The following OSBPL2 variants were observed in gnomAD, a reference collection of about 807,000 sequenced individuals.
OSBPL2 encodes oxysterol binding protein like 2, also known as oxysterol-binding protein-related protein 2.
OSBPL2 carries 18 observed loss-of-function variants against 58.4 expected under a neutral mutation model. The ratio of observed to expected loss-of-function variants is 0.31; its 90% CI spans 0.21 to 0.46. OSBPL2 has a LOEUF of 0.46. OSBPL2 is among the 20% of genes least tolerant of loss of function. OSBPL2 has a pLI of 1.00. For missense variants in OSBPL2, 461 were observed against 616.5 expected, an observed-to-expected ratio of 0.75 and a Z score of 2.67; for synonymous variants, 221 against 234.1, an observed-to-expected ratio of 0.94 and a Z score of 0.51.
At position 62,283,311 on chromosome 20, in the gene OSBPL2, G is replaced by A. The variant is rs369017837; in HGVS notation, c.873-735G>A. 1.1e-4 allele frequency among the ~76,000 whole-genome samples: 17 copies of A among 152,270 alleles called. No homozygotes were observed. In the East Asian group the frequency reaches 2.1e-3, roughly 19 times the overall value. On this transcript the variant is annotated intron_variant, in intron 9 of 13. Transcript: ENST00000313733. ...GGTGAGGCCTGGCCCAGTTCCCCGC[G>A]TCTGTGTGCTGGCTCTGCAGGCACT... is the stretch of plus-strand genomic sequence containing the variant.
chr20:62,281,410 AAG>A, intron 8 of OSBPL2: 1 of 538,042 alleles, frequency 1.9e-6, no homozygotes, highest in South Asian at 2.4e-5. Context: ...AGCTATGCTG[AAG>A]AGCTGTGTCA....
chr20:62,281,028 C>CT, intron 7 of OSBPL2, 30 bp from the exon 8 acceptor site: 1 of 1,559,836 alleles, frequency 6.4e-7, no homozygotes, highest in Non-Finnish European at 8.8e-7. Context: ...TTTCTGGACT[C>CT]TCACTGCTTG....
At chr20:62,252,720 C>G (rs1274420137) in intron 1 of OSBPL2, among the ~76,000 whole-genome samples, 6 of 152,256 alleles carry the variant, frequency 3.9e-5, no homozygotes, top group Non-Finnish European at 5.9e-5. Flanking sequence ...CGGTTCTGCT[C>G]TACGGGAAAC....
chr20:62,277,452 G>T (rs1290245033), intron 6 of OSBPL2, among the ~76,000 whole-genome samples: 1 of 152,204 alleles, frequency 6.6e-6, no homozygotes, highest in African/African-American at 2.4e-5. Context: ...CCTTCGCAAC[G>T]CCGAGACACG....
At position 62,293,935 on chromosome 20, in the gene OSBPL2, A is replaced by C. The variant is rs1601209829; in HGVS notation, c.*48A>C. On this transcript the variant is annotated 3_prime_UTR_variant, in exon 14 of 14. Coordinates refer to ENST00000313733, the MANE Select transcript of OSBPL2 (RefSeq NM_144498.4). ...CGGGACCGGAGGCTGACGAGGCTGG[A>C]CTTCCTCGAGTGGCCACTGTGAGCC... 1.9e-6 allele frequency: 3 copies of C among 1,597,894 alleles called. No individual in the cohort carries two copies. The African/African-American group carries it at 4.0e-5, about 22-fold the overall frequency.
At chr20:62,272,875 G>A (rs537102216) in intron 5 of OSBPL2, among the ~76,000 whole-genome samples, 24 of 152,334 alleles carry the variant, frequency 1.6e-4, no homozygotes, top group Admixed American at 1.1e-3. Context: ...CAGCCTGGGT[G>A]ACAGAGTGAG....
At chr20:62,283,282 A>C (rs776554920) in intron 9 of OSBPL2, among the ~76,000 whole-genome samples, 1 of 152,102 alleles carries the variant, frequency 6.6e-6, no homozygotes, top group Non-Finnish European at 1.5e-5. Context: ...CAGGCTGTCT[A>C]CTAGGTGAGG....
chr20:62,291,824 G>GC (rs1983532623), intron 13 of OSBPL2, 31 bp downstream of exon 13: 1 of 1,182,114 alleles, frequency 8.5e-7, no homozygotes, highest in African/African-American at 3.1e-5. Flanking sequence ...GCAGGCTGGG[G>GC]CAGCGGGGAG....
intron 12 of OSBPL2, chr20:62,291,224 C>T (rs1983488844): frequency 4.4e-6 from 1 of 226,482 alleles, no homozygotes; most frequent in African/African-American, 2.3e-5. Context: ...ATGGATGTAA[C>T]TTCTCATGCT....
At chr20:62,281,979 A>G in intron 9 of OSBPL2, 100 bp downstream of exon 9, 1 of 689,344 alleles carries the variant, frequency 1.5e-6, no homozygotes, top group Non-Finnish European at 2.7e-6. Context: ...TACGTGCATG[A>G]GACGCGGGTA....
intron 4 of OSBPL2, among the ~76,000 whole-genome samples, chr20:62,270,405 C>T (rs1373186398): frequency 7.5e-6 from 1 of 133,150 alleles, no homozygotes; most frequent in East Asian, 2.4e-4. Flanking sequence ...CTCTCCTTGT[C>T]CCTCTCTGGC....
intron 8 of OSBPL2, 135 bp from the exon 9 acceptor site, chr20:62,281,654 CA>C: frequency 1.6e-6 from 1 of 627,098 alleles, no homozygotes; most frequent in Non-Finnish European, 2.9e-6. Context: ...TCCATCGCCC[CA>C]AAGGCCCACC....
intron 11 of OSBPL2, among the ~76,000 whole-genome samples, chr20:62,287,568 T>C (rs1204277307): frequency 6.6e-6 from 1 of 152,220 alleles, no homozygotes; most frequent in African/African-American, 2.4e-5. Context: ...GTGATCCTCC[T>C]ACCTCAGCCT....
rs1044028399 is a variant in OSBPL2, at chr20:62,295,832, G to C, written c.*1945G>C. 2.6e-5 allele frequency: 4 copies of C among 152,162 alleles called. No homozygotes were observed. The highest frequency in any genetic ancestry group is 9.7e-5 in the African/African-American group (4 of 41,434). 9.4% of individuals were successfully genotyped at this position (152,162 alleles called of 1,614,324 possible). ...CATTGAAAGTGACTGCATTTAGGGA[G>C]GTTTAACGAGTTCTTACTGATCATT... On this transcript the variant is annotated 3_prime_UTR_variant, in exon 14 of 14. Coordinates refer to ENST00000313733, the MANE Select transcript of OSBPL2 (RefSeq NM_144498.4). The surrounding 1 kb of genome is among the most constrained non-coding windows in gnomAD (Gnocchi z 4.8).
intron 1 of OSBPL2, among the ~76,000 whole-genome samples, chr20:62,247,943 G>A (rs1213232142): frequency 4.0e-5 from 6 of 151,734 alleles, no homozygotes; most frequent in African/African-American, 1.2e-4. Flanking sequence ...GATTACAGGT[G>A]TGAGCCACTA....
rs1222756374 is a variant in OSBPL2, at chr20:62,293,810, T to C, written c.1366T>C (p.Tyr456His). ...TRWFYPGNNPYTGTPDWLYAG... is the reference protein window; with the variant it reads ...TRWFYPGNNPHTGTPDWLYAG... ...GTGGTTCTACCCAGGCAATAACCCC[T>C]ACACTGGGACCCCCGACTGGTTGTA... The change falls in exon 14 of 14, where the codon TAC becomes CAC. Residue 456 changes from tyrosine (Y) to histidine (H), a missense_variant. Physicochemically the swap from Tyr to His is moderately conservative, Grantham distance 83. This residue lies in a region of OSBPL2 where 319 missense variants were observed against 419.2 expected (regional missense o/e 0.76). Transcript: ENST00000313733. The C allele has an allele frequency of 3.7e-6, 6 of 1,613,970 alleles. No homozygotes were observed. In the African/African-American group the frequency reaches 4.0e-5, roughly 11 times the overall value.
chr20:62,290,348 G>T (rs1983410609), intron 12 of OSBPL2, among the ~76,000 whole-genome samples: 1 of 150,928 alleles, frequency 6.6e-6, no homozygotes, highest in South Asian at 2.1e-4. Context: ...CCATCCTCCT[G>T]CCTCAGCCTC....
chr20:62,250,025 C>T (rs1980417105), intron 1 of OSBPL2, among the ~76,000 whole-genome samples: 1 of 152,250 alleles, frequency 6.6e-6, no homozygotes, highest in African/African-American at 2.4e-5. Flanking sequence ...GCCCCCAAGG[C>T]TCACTCTGAG....
chr20:62,265,996 G>A (rs1160946342), intron 4 of OSBPL2, among the ~76,000 whole-genome samples: 4 of 152,120 alleles, frequency 2.6e-5, no homozygotes, highest in African/African-American at 9.7e-5. Context: ...GGTGGCACAT[G>A]TCTGTCATCC....
Sources: allele counts gnomAD v4.1 joint callset (sites outside exome capture counted in the v4.1 genomes callset), GRCh38; gene constraint gnomAD v4.1.1; regional missense constraint gnomAD v4.1.1; non-coding constraint Gnocchi (gnomAD v3.1); transcripts MANE v1.5; gene names NCBI Gene and HGNC (gene_info 2026-07-23, HGNC 2026-07-21).